Variants in MTSS1 observed in about 807,000 individuals in gnomAD.
The protein encoded by MTSS1 is MTSS I-BAR domain containing 1, also known as protein MTSS 1.
A neutral mutation model predicts 79.0 loss-of-function variants in MTSS1; 18 were observed. The ratio of observed to expected loss-of-function variants is 0.23; its 90% CI spans 0.16 to 0.34. The LOEUF is 0.34. Among genes scored for constraint, MTSS1 ranks in the 10% least tolerant of loss-of-function variants. MTSS1 has a pLI of 1.00. For synonymous variants in MTSS1, 341 were observed against 368.6 expected (o/e 0.93, Z 0.86); for missense variants, 815 against 986.2 (o/e 0.83, Z 2.33).
Position 124,701,976 on chromosome 8 carries a change from G to T in MTSS1, c.134+2154C>A, listed in dbSNP as rs540769305. 5.9e-5 allele frequency among the ~76,000 whole-genome samples: 9 copies of T among 152,198 alleles called. No individual in the cohort carries two copies. In the South Asian group the frequency reaches 1.9e-3, roughly 32 times the overall value. ...TAGTTTAACAAAATAATAAAGAAAT[G>T]GTCCCTGCCTTCAGGACAAAACATT... is the stretch of plus-strand genomic sequence containing the variant. On this transcript the variant is annotated intron_variant, in intron 2 of 13. Transcript: ENST00000518547.
intron 1 of MTSS1, among the ~76,000 whole-genome samples, chr8:124,725,191 C>T (rs527616979): frequency 6.6e-6 from 1 of 152,128 alleles, no homozygotes; most frequent in Non-Finnish European, 1.5e-5. Flanking sequence ...TTCTTCCACA[C>T]CTTACTGCCT....
chr8:124,721,296 C>T (rs1315618102), intron 1 of MTSS1, among the ~76,000 whole-genome samples: 1 of 149,480 alleles, frequency 6.7e-6, no homozygotes, highest in Admixed American at 6.6e-5. Context: ...TTTCCATCAT[C>T]GCAAAAAAAA....
intron 1 of MTSS1, among the ~76,000 whole-genome samples, chr8:124,712,285 G>GA (rs922473835): frequency 6.6e-6 from 1 of 152,154 alleles, no homozygotes; most frequent in African/African-American, 2.4e-5. Context: ...TCAGCAGGGC[G>GA]AGTGTGAGGA....
chr8:124,553,179 T>G lies in MTSS1; in HGVS notation c.2081A>C (p.Glu694Ala). 4 of 1,614,084 alleles carry G rather than the reference T, an allele frequency of 2.5e-6. No homozygotes were observed. Among genetic ancestry groups the G allele is most frequent in the Non-Finnish European group, 3.4e-6 (4 of 1,180,024 alleles). ...EEHRQAIPES[E>A]AEDQEREPPS... ...GGGTTCCCGTTCCTGGTCTTCAGCT[T>G]CACTTTCTGGAATTGCCTGTCTGTG... Residue 694 changes from glutamate (E) to alanine (A), a missense_variant, in exon 14 of 14, where the codon GAA becomes GCA. By Grantham distance (107) the Glu-to-Ala change is moderately radical. Around this residue, in one of 2 missense-constraint regions of MTSS1, gnomAD observed 590 missense variants for 620.8 expected, o/e 0.95. Transcript: ENST00000518547. The surrounding 1 kb of genome is among the most constrained non-coding windows in gnomAD (Gnocchi z 6.0).
rs968051117 is a variant in MTSS1 at position 124,624,957 on chromosome 8, A to G, written c.209-33722T>C. On this transcript the variant is annotated intron_variant, in intron 3 of 13. Coordinates refer to ENST00000518547, the MANE Select transcript of MTSS1 (RefSeq NM_014751.6). ...GATAAATGTTCTACATGACATGCCC[A>G]TATTTCCCTAGCCACAGACCTCAGC... Among the ~76,000 whole-genome samples the G allele has an allele frequency of 2.6e-5, 4 of 152,320 alleles. 1 individual carries two copies.
At chr8:124,637,767 C>A (rs941763446) in intron 3 of MTSS1, among the ~76,000 whole-genome samples, 2 of 152,302 alleles carry the variant, frequency 1.3e-5, no homozygotes, top group South Asian at 2.1e-4. Context: ...AATCTTCCCC[C>A]ACAAGCTAAA....
chr8:124,572,170 A>G (rs2132202875), intron 6 of MTSS1, among the ~76,000 whole-genome samples: 1 of 152,290 alleles, frequency 6.6e-6, no homozygotes, highest in African/African-American at 2.4e-5. Context: ...TATAAATTTA[A>G]GTTATCCTAT....
At chr8:124,643,673 G>A (rs1280560003) in intron 3 of MTSS1, among the ~76,000 whole-genome samples, 1 of 137,022 alleles carries the variant, frequency 7.3e-6, no homozygotes, top group Admixed American at 7.7e-5. Context: ...ACTCCACCCT[G>A]GGCAACAAGA....
intron 3 of MTSS1, among the ~76,000 whole-genome samples, chr8:124,613,822 G>A (rs1836323731): frequency 6.6e-6 from 1 of 152,146 alleles, no homozygotes; most frequent in African/African-American, 2.4e-5. Context: ...TGTTTTCCCT[G>A]TTGGTAAACT....
At chr8:124,697,779 G>GT (rs1829088048) in intron 3 of MTSS1, among the ~76,000 whole-genome samples, 1 of 152,156 alleles carries the variant, frequency 6.6e-6, no homozygotes, top group Non-Finnish European at 1.5e-5. Flanking sequence ...AAGCTATGGA[G>GT]TAATTTTTTT....
chr8:124,605,272 G>C (rs1256722613), intron 3 of MTSS1, among the ~76,000 whole-genome samples: 3 of 152,236 alleles, frequency 2.0e-5, no homozygotes, highest in African/African-American at 7.2e-5. Context: ...GCTCCTGCCA[G>C]CGAAGCAGCT....
intron 3 of MTSS1, among the ~76,000 whole-genome samples, chr8:124,693,797 G>T (rs1290933640): frequency 6.6e-6 from 1 of 152,040 alleles, no homozygotes; most frequent in Non-Finnish European, 1.5e-5. Flanking sequence ...TGTACTCAGA[G>T]CAAAAATTGG....
At chr8:124,585,523 T>A (rs1384018383) in intron 5 of MTSS1, among the ~76,000 whole-genome samples, 3 of 151,888 alleles carry the variant, frequency 2.0e-5, no homozygotes, top group African/African-American at 7.3e-5. Flanking sequence ...CAAGCGATTC[T>A]CCCACCTCAG....
chr8:124,683,015 G>T lies in MTSS1; in HGVS notation c.208+16511C>A, dbSNP rs996091428. Among the ~76,000 whole-genome samples, 1 of 152,102 alleles carries T rather than the reference G, an allele frequency of 6.6e-6. No homozygotes were observed. The highest frequency in any genetic ancestry group is 1.5e-5 in the Non-Finnish European group (1 of 68,014). ...CCCAGCCCTTCCTTCCCCAGTCTAT[G>T]ACCTTTTCAGACCATCTTGGTTCCT... On this transcript the variant is annotated intron_variant, in intron 3 of 13. Transcript: ENST00000518547. This position sits in a 1 kb window ranked among gnomAD's most constrained non-coding sequence, Gnocchi z 4.5.
chr8:124,667,706 C>T (rs1587697591), intron 3 of MTSS1, among the ~76,000 whole-genome samples: 1 of 152,052 alleles, frequency 6.6e-6, no homozygotes, highest in African/African-American at 2.4e-5. Flanking sequence ...TCATTTCAGA[C>T]ATGTGAGGAA....
chr8:124,594,483 C>T (rs1442626939), intron 3 of MTSS1, among the ~76,000 whole-genome samples: 2 of 152,124 alleles, frequency 1.3e-5, no homozygotes, highest in African/African-American at 4.8e-5. Context: ...TGAGCTGAGA[C>T]TGCGCCACTG....
chr8:124,721,411 ATT>A (rs71289689), intron 1 of MTSS1, among the ~76,000 whole-genome samples: 78 of 127,210 alleles, frequency 6.1e-4, no homozygotes, highest in African/African-American at 2.2e-3. Flanking sequence ...TTTAACTCTA[ATT>A]TTTTTTTTTT....
At chr8:124,669,170 T>C (rs1314017819) in intron 3 of MTSS1, among the ~76,000 whole-genome samples, 1 of 152,232 alleles carries the variant, frequency 6.6e-6, no homozygotes, top group Non-Finnish European at 1.5e-5. Context: ...CATGATCACA[T>C]GGTGCAATTA....
At chr8:124,719,100 T>C (rs981523746) in intron 1 of MTSS1, among the ~76,000 whole-genome samples, 3 of 152,222 alleles carry the variant, frequency 2.0e-5, no homozygotes, top group African/African-American at 7.2e-5. Flanking sequence ...GAGAGCCCAG[T>C]CCTGTGGAGA....
Sources: allele counts gnomAD v4.1 joint callset (sites outside exome capture counted in the v4.1 genomes callset), GRCh38; gene constraint gnomAD v4.1.1; regional missense constraint gnomAD v4.1.1; non-coding constraint Gnocchi (gnomAD v3.1); transcripts MANE v1.5; gene names NCBI Gene and HGNC (gene_info 2026-07-23, HGNC 2026-07-21).